Variants in MYT1L observed in about 807,000 individuals in gnomAD.
MYT1L encodes myelin transcription factor 1 like, also known as myelin transcription factor 1-like protein.
A neutral mutation model predicts 126.7 loss-of-function variants in MYT1L; 12 were observed. The observed-to-expected ratio is 0.09, with a 90% confidence interval of 0.06 to 0.15. The LOEUF is 0.15. MYT1L is among the 10% of genes least tolerant of loss of function. The pLI is 1.00. For synonymous variants in MYT1L, 541 were observed against 604.2 expected, an observed-to-expected ratio of 0.90 and a Z score of 1.53; for missense variants, 979 against 1,585.2, an observed-to-expected ratio of 0.62 and a Z score of 6.49.
At chr2:2,269,827 A>T (rs1168060981) in intron 2 of MYT1L, among the ~76,000 whole-genome samples, 2 of 152,158 alleles carry the variant, frequency 1.3e-5, no homozygotes. Flanking sequence ...CATTTGCATA[A>T]ATTCAATCCT....
intron 5 of MYT1L, among the ~76,000 whole-genome samples, chr2:1,989,285 A>T (rs1268388378): frequency 6.6e-6 from 1 of 152,046 alleles, no homozygotes; most frequent in Non-Finnish European, 1.5e-5. Context: ...CAGGCAAGGG[A>T]GCAGCTGAGA....
At chr2:2,137,958 T>C (rs1350554541) in intron 3 of MYT1L, among the ~76,000 whole-genome samples, 2 of 151,974 alleles carry the variant, frequency 1.3e-5, no homozygotes, top group Non-Finnish European at 2.9e-5. Flanking sequence ...AGGGCTAATA[T>C]CCAGAATCTA....
At chr2:2,236,191 T>A (rs1462761535) in intron 2 of MYT1L, among the ~76,000 whole-genome samples, 4 of 133,548 alleles carry the variant, frequency 3.0e-5, no homozygotes, top group Non-Finnish European at 6.2e-5. Flanking sequence ...ACCCAGCACA[T>A]CCCAACCCAA....
At chr2:1,845,235 C>T (rs1032376706) in intron 19 of MYT1L, among the ~76,000 whole-genome samples, 9 of 152,212 alleles carry the variant, frequency 5.9e-5, no homozygotes, top group Admixed American at 4.6e-4. Context: ...CAGACTTCCA[C>T]AGTGCTGGGA....
Position 2,131,229 on chromosome 2 carries a change from G to A in MYT1L, c.-304+41643C>T, listed in dbSNP as rs115372025. On this transcript the variant is annotated intron_variant, in intron 3 of 24. Transcript: ENST00000647738. The stretch of plus-strand genomic sequence containing the variant: ...CAGCTCGGAGGAAAAGACAGGAAGG[G>A]GTCAATCCATCCACATTAGGATGCA... Among the ~76,000 whole-genome samples the A allele has an allele frequency of 7.2e-3, 1,095 of 152,216 alleles. 15 individuals carry two copies. Among genetic ancestry groups the A allele is most frequent in the African/African-American group, 0.025 (1,034 of 41,522 alleles).
In MYT1L at chr2:2,113,115, T is replaced by C. The variant is rs77518733; in HGVS notation, c.-303-58992A>G. The stretch of plus-strand genomic sequence containing the variant: ...GCTGGGAGAAGAAGCAGATTCCTAA[T>C]AACCTTGTCTCCCACCTCCTGAGTT... On this transcript the variant is annotated intron_variant, in intron 3 of 24. Coordinates refer to ENST00000647738, the MANE Select transcript of MYT1L (RefSeq NM_001303052.2). Among the ~76,000 whole-genome samples the C allele has an allele frequency of 2.5e-4, 38 of 152,284 alleles. 1 individual carries two copies. In the East Asian group the frequency reaches 7.0e-3, roughly 28 times the overall value.
intron 2 of MYT1L, among the ~76,000 whole-genome samples, chr2:2,174,893 G>C (rs2090538716): frequency 6.6e-6 from 1 of 152,044 alleles, no homozygotes; most frequent in Admixed American, 6.5e-5. Context: ...CAACAGCAGG[G>C]CTAGGCTAAA....
intron 2 of MYT1L, among the ~76,000 whole-genome samples, chr2:2,213,025 A>G (rs1475784088): frequency 1.3e-5 from 2 of 152,250 alleles, no homozygotes; most frequent in Admixed American, 1.3e-4. Flanking sequence ...TCAACCAGAG[A>G]CTTTGGGATG....
chr2:2,171,448 T>C (rs1056770819), intron 3 of MYT1L, among the ~76,000 whole-genome samples: 3 of 152,208 alleles, frequency 2.0e-5, no homozygotes, highest in Non-Finnish European at 4.4e-5. Flanking sequence ...TACACCCTTA[T>C]AAAATATTTC....
intron 14 of MYT1L, among the ~76,000 whole-genome samples, chr2:1,899,067 G>A (rs999673801): frequency 4.6e-5 from 7 of 152,258 alleles, no homozygotes; most frequent in African/African-American, 1.4e-4. Flanking sequence ...CCATTTGGGG[G>A]CTGGTAACCT....
At chr2:2,094,203 T>C (rs546154508) in intron 3 of MYT1L, among the ~76,000 whole-genome samples, 1 of 152,258 alleles carries the variant, frequency 6.6e-6, no homozygotes, top group South Asian at 2.1e-4. Context: ...GAAATGCAAA[T>C]CAAAACCACT....
intron 8 of MYT1L, among the ~76,000 whole-genome samples, chr2:1,953,777 C>G (rs1408998849): frequency 1.3e-5 from 2 of 152,214 alleles, no homozygotes; most frequent in Non-Finnish European, 2.9e-5. Flanking sequence ...CTGCTTTTCA[C>G]GAAATCATAC....
chr2:2,186,878 G>A (rs1174962217), intron 2 of MYT1L, among the ~76,000 whole-genome samples: 1 of 152,100 alleles, frequency 6.6e-6, no homozygotes, highest in African/African-American at 2.4e-5. Flanking sequence ...CTTCACCTTG[G>A]TCTTTATTGG....
At chr2:2,295,814 A>G (rs200811132) in intron 1 of MYT1L, among the ~76,000 whole-genome samples, 1 of 150,808 alleles carries the variant, frequency 6.6e-6, no homozygotes, top group Non-Finnish European at 1.5e-5. Flanking sequence ...AGAGAGAGAG[A>G]CAGAGGATGT....
At chr2:2,191,419 C>T (rs1204359631) in intron 2 of MYT1L, among the ~76,000 whole-genome samples, 1 of 152,202 alleles carries the variant, frequency 6.6e-6, no homozygotes, top group Non-Finnish European at 1.5e-5. Flanking sequence ...CATGTGAGAG[C>T]ACTCTGGGAT....
chr2:2,221,833 T>C (rs1215369282), intron 2 of MYT1L, among the ~76,000 whole-genome samples: 3 of 152,172 alleles, frequency 2.0e-5, no homozygotes, highest in African/African-American at 7.2e-5. Flanking sequence ...GAAAAGCTTT[T>C]AATTTTCGAA....
At chr2:1,864,419 G>A (rs530547326) in intron 18 of MYT1L, among the ~76,000 whole-genome samples, 2 of 152,264 alleles carry the variant, frequency 1.3e-5, no homozygotes, top group African/African-American at 4.8e-5. Flanking sequence ...TGCCAGCTCC[G>A]GCCTTCCCAG....
chr2:1,962,526 A>AAATAAGACAAGGAAGTTTCTCAC (rs1379901265), intron 8 of MYT1L, among the ~76,000 whole-genome samples: 30 of 152,090 alleles, frequency 2.0e-4, no homozygotes, highest in Admixed American at 6.5e-5. Context: ...AAATTTCTTA[A>AAATAAGACAAGGAAGTTTCTCAC]AATAAGACAA....
intron 18 of MYT1L, among the ~76,000 whole-genome samples, chr2:1,859,955 G>A (rs929218695): frequency 1.3e-5 from 2 of 152,226 alleles, no homozygotes; most frequent in African/African-American, 4.8e-5. Flanking sequence ...TGGCTGTTTG[G>A]GGAGCACCCA....
Sources: gnomAD v4.1 joint callset for allele counts (sites outside exome capture counted in the v4.1 genomes callset) on GRCh38, gnomAD v4.1.1 for gene constraint, MANE v1.5 for transcripts, NCBI Gene and HGNC (gene_info 2026-07-23, HGNC 2026-07-21) for gene names.